The following TFDP2 variants were observed in gnomAD, a reference collection of about 807,000 sequenced individuals.
TFDP2 encodes transcription factor Dp-2.
In TFDP2, 17 loss-of-function variants were observed where a neutral mutation model predicts 59.3. That is an observed-to-expected ratio of 0.29 (90% CI 0.20 to 0.43). The LOEUF is 0.43. Among genes scored for constraint, TFDP2 ranks in the 20% least tolerant of loss-of-function variants. The probability of loss-of-function intolerance (pLI) is 1.00; values close to 1 mark genes in which losing one functional copy is unlikely to be tolerated. For missense variants in TFDP2, 391 were observed against 528.8 expected, an observed-to-expected ratio of 0.74 and a Z score of 2.56; for synonymous variants, 180 against 194.7, an observed-to-expected ratio of 0.92 and a Z score of 0.63.
chr3:142,050,005 A>G (rs1947529264), intron 3 of TFDP2, among the ~76,000 whole-genome samples: 1 of 152,036 alleles, frequency 6.6e-6, no homozygotes, highest in Admixed American at 6.6e-5. Context: ...GTGGTGGCTC[A>G]CACCTGTAAT....
chr3:142,085,891 CTCAA>C (rs998351938), intron 3 of TFDP2, among the ~76,000 whole-genome samples: 3 of 152,214 alleles, frequency 2.0e-5, no homozygotes, highest in Admixed American at 1.3e-4. Context: ...CCATTATCTA[CTCAA>C]TCAATCAAAC....
Position 141,978,691 on chromosome 3 carries a change from GAA to G in TFDP2, c.357-11_357-10del, listed in dbSNP as rs547634752. On this transcript the variant is annotated splice_polypyrimidine_tract_variant and intron_variant, in intron 6 of 12. Coordinates refer to ENST00000489671, the MANE Select transcript of TFDP2 (RefSeq NM_001178139.2). ...CTTTTTTGCTTCGTTTACTAGAAGG[GAA>G]AAAAGTTTTTTTTACTCCATTATAC... is the stretch of plus-strand genomic sequence containing the variant. 6.6e-4 allele frequency: 1,046 copies of G among 1,588,074 alleles called. 2 individuals are homozygous for G. The highest frequency in any genetic ancestry group is 7.5e-4 in the Non-Finnish European group (883 of 1,171,530).
Position 142,093,095 on chromosome 3 carries a change from TCTTA to T in TFDP2, c.44_47del (p.Val15GlufsTer4), listed in dbSNP as rs2061051274. ...GACTGAGATTCTGATCTATAAATCC[TCTTA>T]CTTCTGCATTTGTGGAAGTCAAACC... On this transcript the variant is annotated frameshift_variant, in exon 3 of 13. Transcript: ENST00000489671. LOFTEE classifies it high-confidence loss of function. 3.2e-6 allele frequency: 5 copies of T among 1,541,818 alleles called. No individual in the cohort carries two copies. Among genetic ancestry groups the T allele is most frequent in the African/African-American group, 1.4e-5 (1 of 73,358 alleles).
intron 3 of TFDP2, among the ~76,000 whole-genome samples, chr3:142,065,332 T>C (rs2060038094): frequency 6.6e-6 from 1 of 152,152 alleles, no homozygotes; most frequent in South Asian, 2.1e-4. Flanking sequence ...TTAATTTTTG[T>C]ACTTTTTGTA....
At chr3:142,101,458 A>G (rs2061317892) in intron 2 of TFDP2, among the ~76,000 whole-genome samples, 1 of 152,146 alleles carries the variant, frequency 6.6e-6, no homozygotes, top group Admixed American at 6.6e-5. Context: ...CAATATCCAA[A>G]AGAGGAGGGC....
chr3:141,952,817 G>A, intron 12 of TFDP2, 94 bp downstream of exon 12: 3 of 1,539,306 alleles, frequency 1.9e-6, no homozygotes, highest in Non-Finnish European at 2.7e-6. Context: ...TGCTCAGCAG[G>A]ACCTGTGCTG....
At chr3:142,133,725 T>C (rs1274154067) in intron 1 of TFDP2, among the ~76,000 whole-genome samples, 1 of 152,126 alleles carries the variant, frequency 6.6e-6, no homozygotes, top group South Asian at 2.1e-4. Flanking sequence ...CTCAAACTCC[T>C]AACCTCAAGT....
intron 9 of TFDP2, among the ~76,000 whole-genome samples, chr3:141,968,764 T>TATATCTCATATATAGATATATATAACAC (rs1938861844): frequency 1.8e-5 from 1 of 54,076 alleles, no homozygotes; most frequent in Non-Finnish European, 3.5e-5. Context: ...ATATATAACA[T>TATATCTCATATATAGATATATATAACAC]ATATATCTCA....
At chr3:142,145,326 C>T (rs1218871235) in intron 1 of TFDP2, 1 of 152,022 alleles carries the variant, frequency 6.6e-6, no homozygotes, top group East Asian at 1.9e-4. Flanking sequence ...AAATGTAGTA[C>T]TCGTGTTCAA....
At chr3:142,112,449 C>T (rs1057042964) in intron 1 of TFDP2, among the ~76,000 whole-genome samples, 1 of 152,152 alleles carries the variant, frequency 6.6e-6, no homozygotes, top group African/African-American at 2.4e-5. Context: ...TCATCTTATA[C>T]GTTTTATTTA....
At chr3:142,033,650 G>A (rs1946540893) in intron 3 of TFDP2, among the ~76,000 whole-genome samples, 1 of 152,194 alleles carries the variant, frequency 6.6e-6, no homozygotes, top group East Asian at 1.9e-4. Context: ...CAAAATTTTG[G>A]AGATAATACC....
At chr3:141,955,452 T>A (rs1292713237) in intron 11 of TFDP2, among the ~76,000 whole-genome samples, 1 of 152,178 alleles carries the variant, frequency 6.6e-6, no homozygotes, top group Non-Finnish European at 1.5e-5. Flanking sequence ...TCTGCTGGCC[T>A]TCCAATGACA....
At chr3:142,014,134 A>C (rs183749957) in intron 3 of TFDP2, among the ~76,000 whole-genome samples, 10 of 152,168 alleles carry the variant, frequency 6.6e-5, no homozygotes, top group African/African-American at 2.4e-4. Flanking sequence ...CTATTGCCCA[A>C]AATAAAAGTG....
intron 4 of TFDP2, among the ~76,000 whole-genome samples, chr3:142,000,943 T>C (rs1943707313): frequency 6.6e-6 from 1 of 152,142 alleles, no homozygotes; most frequent in South Asian, 2.1e-4. Flanking sequence ...CCCATGACTT[T>C]ATTGGGGGCA....
Position 141,949,036 on chromosome 3 carries a change from AC to A in TFDP2, c.*3476del, listed in dbSNP as rs1367914364. On this transcript the variant is annotated 3_prime_UTR_variant, in exon 13 of 13. Coordinates refer to ENST00000489671, the MANE Select transcript of TFDP2 (RefSeq NM_001178139.2). ...GAGCTTGCAGTGAGCCGAGATCACC[AC>A]TGCACTCCAGCCTGGGCAACAGAGC... The A allele has an allele frequency of 3.5e-5, 5 of 142,936 alleles. No homozygotes were observed. The highest frequency in any genetic ancestry group is 1.3e-4 in the African/African-American group (5 of 37,470). The allele number at this position is 142,936 out of a possible 1,614,324, so 8.9% of individuals were successfully genotyped here.
chr3:142,016,187 G>C (rs1300018332), intron 3 of TFDP2, among the ~76,000 whole-genome samples: 2 of 148,918 alleles, frequency 1.3e-5, no homozygotes, highest in African/African-American at 2.5e-5. Flanking sequence ...AATTTTTGTA[G>C]AGATGGGGTT....
At chr3:142,029,474 A>T (rs11569166) in intron 3 of TFDP2, among the ~76,000 whole-genome samples, 4 of 138,394 alleles carry the variant, frequency 2.9e-5, no homozygotes, top group Non-Finnish European at 6.6e-5. Context: ...GTTTTTTTTT[A>T]AATGACTAAT....
intron 9 of TFDP2, among the ~76,000 whole-genome samples, chr3:141,969,590 G>A (rs985891409): frequency 9.9e-5 from 15 of 151,878 alleles, no homozygotes; most frequent in Non-Finnish European, 1.2e-4. Context: ...CCAGCCTGGC[G>A]AAAGAGTGAG....
intron 1 of TFDP2, among the ~76,000 whole-genome samples, chr3:142,132,745 A>G (rs74601742): frequency 7.6e-6 from 1 of 130,932 alleles, no homozygotes; most frequent in Non-Finnish European, 1.6e-5. Flanking sequence ...ACGCTATCTC[A>G]AAAAAAAAAA....
Sources: allele counts gnomAD v4.1 joint callset (sites outside exome capture counted in the v4.1 genomes callset), GRCh38; gene constraint gnomAD v4.1.1; transcripts MANE v1.5; gene names NCBI Gene and HGNC (gene_info 2026-07-23, HGNC 2026-07-21).